Variants in CADM2 observed in about 807,000 individuals in gnomAD.
The protein encoded by CADM2 is immunoglobulin superfamily member 4D.
Under a neutral mutation model 49.8 loss-of-function variants are expected in CADM2, and 12 were observed. That is an observed-to-expected ratio of 0.24 (90% CI 0.15 to 0.39). The LOEUF is 0.39. CADM2 is among the 10% of genes least tolerant of loss of function. CADM2 has a pLI of 1.00. For missense variants in CADM2, 378 were observed against 492.3 expected, an observed-to-expected ratio of 0.77 and a Z score of 2.20; for synonymous variants, 214 against 175.4, an observed-to-expected ratio of 1.22 and a Z score of -1.74.
intron 1 of CADM2, among the ~76,000 whole-genome samples, chr3:85,222,006 GA>G (rs1235067121): frequency 3.7e-4 from 56 of 152,138 alleles, no homozygotes; most frequent in Admixed American, 3.7e-3. Context: ...AGTTAATGGA[GA>G]AAAAATATTT....
rs115970521 is a variant in CADM2 at position 85,684,361 on chromosome 3, A to T, written c.62-42161A>T. On this transcript the variant is annotated intron_variant, in intron 1 of 9. Transcript: ENST00000383699. ...AAGAAGAAGATTTGTTTGCACCTAG[A>T]TCTTACATTCCCACTGCAGCTATAC... Among the ~76,000 whole-genome samples the T allele has an allele frequency of 2.7e-3, 404 of 152,180 alleles. 3 individuals are homozygous for T. Among genetic ancestry groups the T allele is most frequent in the African/African-American group, 9.2e-3 (382 of 41,530 alleles).
chr3:85,814,333 G>A (rs1318265997), intron 3 of CADM2, among the ~76,000 whole-genome samples: 2 of 151,718 alleles, frequency 1.3e-5, no homozygotes, highest in East Asian at 1.9e-4. Flanking sequence ...TCATGATTTG[G>A]TCTCTGTTTG....
intron 2 of CADM2, among the ~76,000 whole-genome samples, chr3:85,778,580 C>T (rs2070474305): frequency 6.6e-6 from 1 of 152,106 alleles, no homozygotes; most frequent in Non-Finnish European, 1.5e-5. Context: ...TCTCCTTTGC[C>T]TTCCACCATG....
chr3:85,066,801 G>A (rs2036543403), intron 1 of CADM2, among the ~76,000 whole-genome samples: 1 of 152,130 alleles, frequency 6.6e-6, no homozygotes, highest in Non-Finnish European at 1.5e-5. Context: ...TTCAAGGTAA[G>A]TCCTGTTTGT....
intron 3 of CADM2, among the ~76,000 whole-genome samples, chr3:85,813,939 T>C (rs1296242481): frequency 1.3e-5 from 2 of 152,186 alleles, no homozygotes; most frequent in Admixed American, 6.5e-5. Flanking sequence ...TTGGTTACTG[T>C]AGCCTTGTAA....
intron 8 of CADM2, among the ~76,000 whole-genome samples, chr3:86,018,288 T>C (rs1417615782): frequency 3.0e-5 from 4 of 133,748 alleles, no homozygotes; most frequent in African/African-American, 1.2e-4. Flanking sequence ...TGTTGGACAT[T>C]TGGGTTGGTT....
chr3:85,577,838 A>G (rs1256445370), intron 1 of CADM2, among the ~76,000 whole-genome samples: 1 of 152,076 alleles, frequency 6.6e-6, no homozygotes, highest in Admixed American at 6.6e-5. Flanking sequence ...GTGTAACATC[A>G]GACAAATGGA....
At chr3:85,389,259 G>A (rs1360737212) in intron 1 of CADM2, among the ~76,000 whole-genome samples, 1 of 152,084 alleles carries the variant, frequency 6.6e-6, no homozygotes, top group East Asian at 1.9e-4. Context: ...AGTAAAAGGG[G>A]ATGCTGGTGA....
chr3:85,009,100 C>T (rs1176282425), intron 1 of CADM2, among the ~76,000 whole-genome samples: 1 of 152,134 alleles, frequency 6.6e-6, no homozygotes, highest in Non-Finnish European at 1.5e-5. Flanking sequence ...TAGAGCAGGG[C>T]TTGTTCACAG....
intron 1 of CADM2, among the ~76,000 whole-genome samples, chr3:85,049,959 C>A (rs1196772600): frequency 6.6e-6 from 1 of 152,116 alleles, no homozygotes; most frequent in African/African-American, 2.4e-5. Context: ...CTGGCCATAT[C>A]TTGGGCTGGA....
chr3:85,150,556 G>A (rs1392051308), intron 1 of CADM2, among the ~76,000 whole-genome samples: 4 of 152,020 alleles, frequency 2.6e-5, no homozygotes, highest in African/African-American at 9.7e-5. Context: ...GACCCTACCA[G>A]TTTCCTGAGT....
chr3:85,166,798 T>C (rs1306440056), intron 1 of CADM2, among the ~76,000 whole-genome samples: 4 of 151,974 alleles, frequency 2.6e-5, no homozygotes, highest in Non-Finnish European at 5.9e-5. Flanking sequence ...CTGGAGAATG[T>C]CATTTTAAAT....
chr3:85,608,122 G>C (rs776970663), intron 1 of CADM2, among the ~76,000 whole-genome samples: 4 of 151,998 alleles, frequency 2.6e-5, no homozygotes, highest in Admixed American at 2.6e-4. Flanking sequence ...TTTTCAAACC[G>C]TGTGGGCATA....
chr3:85,445,160 T>C (rs1236218505), intron 1 of CADM2, among the ~76,000 whole-genome samples: 4 of 152,122 alleles, frequency 2.6e-5, no homozygotes, highest in African/African-American at 9.7e-5. Flanking sequence ...GGAATTTCAA[T>C]GATTTTCCTA....
chr3:84,979,807 T>C (rs1310303015), intron 1 of CADM2, among the ~76,000 whole-genome samples: 4 of 152,138 alleles, frequency 2.6e-5, no homozygotes, highest in African/African-American at 9.7e-5. Flanking sequence ...AATGCTTTTT[T>C]TGATGTCTAA....
At chr3:85,334,254 T>C (rs1413677033) in intron 1 of CADM2, among the ~76,000 whole-genome samples, 1 of 151,448 alleles carries the variant, frequency 6.6e-6, no homozygotes, top group African/African-American at 2.4e-5. Context: ...CTGCCTCAGG[T>C]AGTTGGGTCA....
chr3:85,429,855 A>G (rs2036585271), intron 1 of CADM2, among the ~76,000 whole-genome samples: 1 of 152,170 alleles, frequency 6.6e-6, no homozygotes, highest in African/African-American at 2.4e-5. Flanking sequence ...GTAAAATGTT[A>G]TAAAAGCATT....
chr3:85,115,765 A>G (rs192532008), intron 1 of CADM2, among the ~76,000 whole-genome samples: 4 of 152,296 alleles, frequency 2.6e-5, no homozygotes, highest in East Asian at 3.9e-4. Flanking sequence ...AATCTCAATC[A>G]TAGGCTTTTC....
intron 1 of CADM2, among the ~76,000 whole-genome samples, chr3:85,034,273 C>T (rs992531751): frequency 6.6e-6 from 1 of 151,858 alleles, no homozygotes; most frequent in Non-Finnish European, 1.5e-5. Context: ...ATTCCCCCTT[C>T]TTGCCCCCCA....
Sources: gnomAD v4.1 joint callset for allele counts (sites outside exome capture counted in the v4.1 genomes callset) on GRCh38, gnomAD v4.1.1 for gene constraint, MANE v1.5 for transcripts, NCBI Gene and HGNC (gene_info 2026-07-23, HGNC 2026-07-21) for gene names.